GMDS: variants seen among roughly 807,000 people sequenced by gnomAD.
GMDS encodes the protein GDP-mannose 4,6-dehydratase.
Under a neutral mutation model 49.9 loss-of-function variants are expected in GMDS, and 20 were observed. That is an observed-to-expected ratio of 0.40 (90% CI 0.28 to 0.58). The LOEUF (loss-of-function observed/expected upper bound fraction) is 0.58. GMDS is among the 20% of genes least tolerant of loss of function. The pLI, the probability that GMDS is intolerant of heterozygous loss-of-function variation, is 0.42. For missense variants in GMDS, 362 were observed against 481.4 expected (o/e 0.75, Z 2.32); for synonymous variants, 177 against 178.6 (o/e 0.99, Z 0.07).
intron 1 of GMDS, among the ~76,000 whole-genome samples, chr6:2,193,018 C>T (rs144842710): frequency 0.012 from 1,868 of 152,324 alleles, 74 homozygotes; most frequent in Admixed American, 0.07. Flanking sequence ...TCTGATAGCC[C>T]TCATCCCAGG....
chr6:1,886,425 G>C (rs1759610928), intron 7 of GMDS, among the ~76,000 whole-genome samples: 1 of 152,122 alleles, frequency 6.6e-6, no homozygotes, highest in Non-Finnish European at 1.5e-5. Context: ...AATGCAAGTA[G>C]ATTTTATATT....
chr6:2,088,640 A>G (rs1773146410), intron 4 of GMDS, among the ~76,000 whole-genome samples: 1 of 152,214 alleles, frequency 6.6e-6, no homozygotes, highest in Non-Finnish European at 1.5e-5. Context: ...TGTAAATTAG[A>G]GAACACTGGT....
At chr6:2,136,816 T>C (rs544098554) in intron 1 of GMDS, among the ~76,000 whole-genome samples, 10 of 151,346 alleles carry the variant, frequency 6.6e-5, no homozygotes, top group South Asian at 4.2e-4. Context: ...GACAGGAGAA[T>C]TGCCTGAGCC....
At chr6:1,905,391 C>T (rs879209022) in intron 7 of GMDS, among the ~76,000 whole-genome samples, 2 of 138,536 alleles carry the variant, frequency 1.4e-5, no homozygotes, top group Non-Finnish European at 3.0e-5. Context: ...TGGGTGCTGG[C>T]GTGTAGGTGG....
chr6:1,758,245 T>G (rs1334340749), intron 7 of GMDS, among the ~76,000 whole-genome samples: 1 of 152,238 alleles, frequency 6.6e-6, no homozygotes, highest in East Asian at 1.9e-4. Context: ...TAATGGCCCC[T>G]CCTCCCTTCT....
intron 1 of GMDS, among the ~76,000 whole-genome samples, chr6:2,155,672 T>C (rs766465258): frequency 2.6e-5 from 4 of 152,196 alleles, no homozygotes; most frequent in African/African-American, 4.8e-5. Flanking sequence ...TGCGTATTAA[T>C]GGAGCACTCT....
intron 9 of GMDS, 63 bp downstream of exon 9, chr6:1,726,353 A>G (rs1766585084): frequency 1.9e-6 from 2 of 1,037,928 alleles, no homozygotes; most frequent in South Asian, 2.5e-5. Context: ...GCATTCCATG[A>G]GCGCATTTGC....
chr6:2,208,854 T>TA (rs34346221), intron 1 of GMDS, among the ~76,000 whole-genome samples: 65,793 of 142,316 alleles, frequency 0.46, 15,922 homozygotes, highest in East Asian at 0.78. Context: ...TGGGCTACAT[T>TA]AAAAAAAAAA....
chr6:1,815,419 C>G (rs1252769749), intron 7 of GMDS, among the ~76,000 whole-genome samples: 2 of 152,130 alleles, frequency 1.3e-5, no homozygotes, highest in African/African-American at 4.8e-5. Context: ...CTGCTAAGTT[C>G]TAAACGAAGG....
intron 6 of GMDS, among the ~76,000 whole-genome samples, chr6:1,954,748 C>G (rs1431310340): frequency 6.6e-6 from 1 of 152,136 alleles, no homozygotes; most frequent in Non-Finnish European, 1.5e-5. Context: ...AGCTCTCTTG[C>G]TATTTCCCCC....
intron 4 of GMDS, among the ~76,000 whole-genome samples, chr6:2,114,159 C>T (rs1432186346): frequency 3.9e-5 from 6 of 152,090 alleles, no homozygotes; most frequent in Non-Finnish European, 7.4e-5. Flanking sequence ...TATAAATAAA[C>T]CTTTATAAAA....
chr6:1,797,807 G>C (rs1269838683), intron 7 of GMDS, among the ~76,000 whole-genome samples: 1 of 152,170 alleles, frequency 6.6e-6, no homozygotes, highest in Non-Finnish European at 1.5e-5. Context: ...GTGTGCATTT[G>C]TGGACCCCAA....
chr6:1,749,249 C>CAA (rs1427211804), intron 7 of GMDS, among the ~76,000 whole-genome samples: 7 of 152,166 alleles, frequency 4.6e-5, no homozygotes, highest in African/African-American at 1.7e-4. Context: ...CCCCAGATCA[C>CAA]AATCTGCGGT....
At chr6:1,785,084 G>C (rs531387266) in intron 7 of GMDS, among the ~76,000 whole-genome samples, 10 of 152,268 alleles carry the variant, frequency 6.6e-5, no homozygotes, top group Non-Finnish European at 1.2e-4. Context: ...ACATAAAACT[G>C]CTGGATAAAG....
At position 2,003,527 on chromosome 6, in the gene GMDS, A is replaced by G. The variant is rs145624284; in HGVS notation, c.346-42561T>C. ...ATCTGTGACAAAAATTAAAGCAGAA[A>G]TGTCCAAGTGGCAGCACCAGCATCA... On this transcript the variant is annotated intron_variant, in intron 4 of 10. Transcript: ENST00000380815. Among the ~76,000 whole-genome samples, 23 of 152,292 alleles carry G rather than the reference A, an allele frequency of 1.5e-4. 1 individual carries two copies. In the East Asian group the frequency reaches 4.4e-3, roughly 29 times the overall value.
intron 1 of GMDS, among the ~76,000 whole-genome samples, chr6:2,204,233 G>A (rs1312653008): frequency 6.6e-6 from 1 of 151,700 alleles, no homozygotes; most frequent in Non-Finnish European, 1.5e-5. Context: ...CACAGGTAGA[G>A]TTAATTTTTT....
At chr6:1,878,884 C>G (rs1291432849) in intron 7 of GMDS, among the ~76,000 whole-genome samples, 2 of 152,242 alleles carry the variant, frequency 1.3e-5, no homozygotes, top group African/African-American at 2.4e-5. Context: ...AGAGCCCCAG[C>G]CTTTTCTAAA....
chr6:2,234,981 C>T (rs1268659802), intron 1 of GMDS, among the ~76,000 whole-genome samples: 1 of 151,968 alleles, frequency 6.6e-6, no homozygotes, highest in Non-Finnish European at 1.5e-5. Context: ...GAAAATTAGC[C>T]GGGCGTGGTG....
intron 7 of GMDS, among the ~76,000 whole-genome samples, chr6:1,870,296 A>C (rs148669636): frequency 3.3e-4 from 50 of 152,312 alleles, no homozygotes; most frequent in African/African-American, 1.2e-3. Flanking sequence ...TGAGTAAGAA[A>C]CTAGGAGATC....
Sources: allele counts gnomAD v4.1 joint callset (sites outside exome capture counted in the v4.1 genomes callset), GRCh38; gene constraint gnomAD v4.1.1; transcripts MANE v1.5; gene names NCBI Gene and HGNC (gene_info 2026-07-23, HGNC 2026-07-21).